The following ANKRD29 variants were observed in gnomAD, a reference collection of about 807,000 sequenced individuals.
ANKRD29 encodes ankyrin repeat domain 29, also known as ankyrin repeat domain-containing protein 29.
Under a neutral mutation model 38.0 loss-of-function variants are expected in ANKRD29, and 32 were observed. The observed-to-expected ratio is 0.84, with a 90% CI of 0.64 to 1.13. The LOEUF (loss-of-function observed/expected upper bound fraction) is 1.13. ANKRD29 is among the 50% of genes most tolerant of loss of function. The probability of loss-of-function intolerance (pLI) is 0.00; values close to 1 mark genes in which losing one functional copy is unlikely to be tolerated. For missense variants in ANKRD29, 357 were observed against 377.9 expected (o/e 0.94, Z 0.46); for synonymous variants, 135 against 152.4 (o/e 0.89, Z 0.84).
intron 1 of ANKRD29, among the ~76,000 whole-genome samples, chr18:23,649,781 G>A (rs754246968): frequency 1.3e-5 from 2 of 152,202 alleles, no homozygotes; most frequent in Non-Finnish European, 2.9e-5. Flanking sequence ...CCAGGCTGGA[G>A]TGCAGTGGTG....
intron 5 of ANKRD29, among the ~76,000 whole-genome samples, chr18:23,633,014 G>T (rs896723271): frequency 6.6e-6 from 1 of 152,160 alleles, no homozygotes; most frequent in African/African-American, 2.4e-5. Context: ...CTACCTGTAG[G>T]ACAGCCTAAA....
chr18:23,638,032 C>A (rs1427698190), intron 4 of ANKRD29, among the ~76,000 whole-genome samples: 1 of 120,124 alleles, frequency 8.3e-6, no homozygotes, highest in Non-Finnish European at 1.6e-5. Flanking sequence ...GAGTCTCACT[C>A]TGTCGCCCAG....
intron 1 of ANKRD29, among the ~76,000 whole-genome samples, chr18:23,658,020 T>G (rs1292720653): frequency 6.6e-6 from 1 of 152,244 alleles, no homozygotes; most frequent in Non-Finnish European, 1.5e-5. Context: ...GACTTGCTTG[T>G]GACCTGTCAT....
In ANKRD29 at chr18:23,599,657, G is replaced by A. The variant is rs1022299389; in HGVS notation, c.*1569C>T. On this transcript the variant is annotated 3_prime_UTR_variant, in exon 10 of 10. Coordinates refer to ENST00000592179, the MANE Select transcript of ANKRD29 (RefSeq NM_173505.4). The stretch of plus-strand genomic sequence containing the variant: ...GCCACCAAAATGTTTATATCTGGAT[G>A]TTTTAGCAACAGAGAGCTTTCTAAT... 6 of 152,206 alleles carry A rather than the reference G, an allele frequency of 3.9e-5. No homozygotes were observed. The highest frequency in any genetic ancestry group is 1.4e-4 in the African/African-American group (6 of 41,456). 9.4% of individuals were successfully genotyped at this position (152,206 alleles called of 1,614,324 possible). A position where few individuals can be genotyped will look rare whatever the true frequency, so the allele number is the denominator to read the frequency against.
chr18:23,609,807 T>G (rs755021534), intron 9 of ANKRD29, among the ~76,000 whole-genome samples: 19 of 152,154 alleles, frequency 1.2e-4, no homozygotes, highest in African/African-American at 4.6e-4. Flanking sequence ...AAAGATAAGA[T>G]CTAAAGAAAG....
chr18:23,659,660 T>C (rs1568059037), intron 1 of ANKRD29, among the ~76,000 whole-genome samples: 1 of 151,624 alleles, frequency 6.6e-6, no homozygotes, highest in Non-Finnish European at 1.5e-5. Flanking sequence ...GGAGAATTGC[T>C]TGAACCCGGG....
intron 4 of ANKRD29, among the ~76,000 whole-genome samples, chr18:23,636,590 T>C (rs1316753439): frequency 6.6e-6 from 1 of 151,832 alleles, no homozygotes; most frequent in East Asian, 1.9e-4. Flanking sequence ...AAAAAAATTT[T>C]TTTTAGACAG....
In ANKRD29 at chr18:23,629,054, G is replaced by A. The variant is rs141757043; in HGVS notation, c.528+799C>T. The stretch of plus-strand genomic sequence containing the variant: ...GACTGGAGTGCAGAGGCGCGATCTC[G>A]GCTCATTGCAACTTCTGCTTCCCAG... On this transcript the variant is annotated intron_variant, in intron 6 of 9. Transcript: ENST00000592179. 3.8e-3 allele frequency among the ~76,000 whole-genome samples: 573 copies of A among 152,262 alleles called. 5 individuals are homozygous for A. Among genetic ancestry groups the A allele is most frequent in the African/African-American group, 0.011 (459 of 41,558 alleles).
In ANKRD29 at chr18:23,657,876, G is replaced by A. The variant is rs185919305; in HGVS notation, c.21+4834C>T. Among the ~76,000 whole-genome samples, 206 of 152,206 alleles carry A rather than the reference G, an allele frequency of 1.4e-3. 1 individual carries two copies. Among genetic ancestry groups the A allele is most frequent in the Middle Eastern group, 3.4e-3 (1 of 294 alleles). On this transcript the variant is annotated intron_variant, in intron 1 of 9. Coordinates refer to ENST00000592179, the MANE Select transcript of ANKRD29 (RefSeq NM_173505.4). ...GAAGCCCTAACCACCAATGTCTTGC[G>A]AGCCCAATCCCCTGCCCGAGTTGGT... is the stretch of plus-strand genomic sequence containing the variant.
At chr18:23,616,331 C>T (rs1420260282) in intron 8 of ANKRD29, among the ~76,000 whole-genome samples, 3 of 149,400 alleles carry the variant, frequency 2.0e-5, no homozygotes, top group Non-Finnish European at 3.0e-5. Flanking sequence ...GAGTTTGAGA[C>T]CAGCTTGGAC....
intron 8 of ANKRD29, among the ~76,000 whole-genome samples, chr18:23,614,685 A>G (rs902004708): frequency 2.0e-4 from 30 of 151,646 alleles, no homozygotes; most frequent in Non-Finnish European, 2.9e-4. Context: ...AAAAAAAAAA[A>G]GCTCATGGCA....
At chr18:23,624,056 C>T (rs1169365547) in intron 6 of ANKRD29, among the ~76,000 whole-genome samples, 1 of 152,128 alleles carries the variant, frequency 6.6e-6, no homozygotes, top group Non-Finnish European at 1.5e-5. Context: ...TGTGAAAAAA[C>T]ATTTAAAAAT....
intron 3 of ANKRD29, among the ~76,000 whole-genome samples, chr18:23,639,987 G>A (rs2060052695): frequency 6.6e-6 from 1 of 152,210 alleles, no homozygotes; most frequent in South Asian, 2.1e-4. Context: ...GATGGGTGAT[G>A]ATGTTGGTTG....
rs1568013693 is a variant in ANKRD29 at position 23,616,565 on chromosome 18, C to CTATATATACAGTATATATATATATAT, written c.723+1166_723+1167insATATATATATATATACTGTATATATA. ...TATATATATAGTATATATATATATA[C>CTATATATACAGTATATATATATATAT]ACTATATATACAGTATATATATATA... On this transcript the variant is annotated intron_variant, in intron 8 of 9. Coordinates refer to ENST00000592179, the MANE Select transcript of ANKRD29 (RefSeq NM_173505.4). 9.0e-4 allele frequency among the ~76,000 whole-genome samples: 125 copies of CTATATATACAGTATATATATATATAT among 138,322 alleles called. 4 individuals carry two copies. The highest frequency in any genetic ancestry group is 3.3e-3 in the East Asian group (15 of 4,602). The allele number at this position is 138,322 out of a possible 152,430, so 90.7% of individuals were successfully genotyped here. A position where few individuals can be genotyped will look rare whatever the true frequency, so the allele number is the denominator to read the frequency against.
intron 6 of ANKRD29, 40 bp from the exon 7 acceptor site, chr18:23,619,669 C>T: frequency 6.8e-7 from 1 of 1,476,928 alleles, no homozygotes; most frequent in Non-Finnish European, 9.0e-7. Context: ...GACTGGGGCG[C>T]CCGGCCCCAC....
intron 9 of ANKRD29, among the ~76,000 whole-genome samples, chr18:23,602,509 T>C (rs2059527134): frequency 1.3e-5 from 2 of 152,340 alleles, no homozygotes; most frequent in Non-Finnish European, 2.9e-5. Context: ...AACCAGTCCC[T>C]ACCATTGACA....
At position 23,646,254 on chromosome 18, in the gene ANKRD29, C is replaced by A. The variant is rs750105103; in HGVS notation, c.166G>T (p.Ala56Ser). 5 of 1,613,880 alleles carry A rather than the reference C, an allele frequency of 3.1e-6. No individual in the cohort carries two copies. The South Asian group carries it at 5.5e-5, about 18-fold the overall frequency. The change falls in exon 3 of 10, where the codon GCT becomes TCT. Residue 56 changes from alanine (A) to serine (S), a missense_variant. By Grantham distance (99) the Ala-to-Ser change is moderately conservative (BLOSUM62 1). Transcript: ENST00000592179. Reference sequence around the variant, plus strand: ...TCCCTCACACAGTCTATGTGGCCAGCGTAGGCAGCAACCATCAGGAGTGTG... The same window carrying A: ...TCCCTCACACAGTCTATGTGGCCAGAGTAGGCAGCAACCATCAGGAGTGTG... ...GTTLLMVAAY[A>S]GHIDCVRELV... is the part of the protein sequence containing the mutation.
intron 1 of ANKRD29, among the ~76,000 whole-genome samples, chr18:23,654,522 C>T (rs1299894237): frequency 1.4e-5 from 2 of 142,634 alleles, no homozygotes; most frequent in Non-Finnish European, 3.0e-5. Flanking sequence ...CGGGAGGCTG[C>T]GGCAAGGAAT....
intron 9 of ANKRD29, among the ~76,000 whole-genome samples, chr18:23,611,328 C>G (rs961499711): frequency 6.6e-6 from 1 of 152,148 alleles, no homozygotes; most frequent in African/African-American, 2.4e-5. Context: ...CAGAACAATA[C>G]TCCCATAGTA....
Sources: gnomAD v4.1 joint callset for allele counts (sites outside exome capture counted in the v4.1 genomes callset) on GRCh38, gnomAD v4.1.1 for gene constraint, MANE v1.5 for transcripts, NCBI Gene and HGNC (gene_info 2026-07-23, HGNC 2026-07-21) for gene names.